PHLDB2: variants seen among roughly 807,000 people sequenced by gnomAD.
PHLDB2 encodes the protein pleckstrin homology-like domain family B member 2.
In PHLDB2, 71 loss-of-function variants were observed where a neutral mutation model predicts 123.6. That is an observed-to-expected ratio of 0.57 (90% confidence interval 0.47 to 0.70). The LOEUF (loss-of-function observed/expected upper bound fraction) is 0.70, where lower values mean the gene tolerates loss of function less well. Among genes scored for constraint, PHLDB2 ranks in the 30% least tolerant of loss-of-function variants. The pLI, the probability that PHLDB2 is intolerant of heterozygous loss-of-function variation, is 0.00. For missense variants in PHLDB2, 1,446 were observed against 1,519.5 expected, an observed-to-expected ratio of 0.95 and a Z score of 0.80; for synonymous variants, 547 against 541.6, an observed-to-expected ratio of 1.01 and a Z score of -0.14.
intron 1 of PHLDB2, among the ~76,000 whole-genome samples, chr3:111,830,239 A>C (rs1034590425): frequency 1.3e-5 from 2 of 152,124 alleles, no homozygotes; most frequent in Non-Finnish European, 2.9e-5. Flanking sequence ...AGTAATTTCT[A>C]AAGGTACTTC....
At chr3:111,760,690 G>GTT (rs200436835) in intron 1 of PHLDB2, among the ~76,000 whole-genome samples, 5 of 148,452 alleles carry the variant, frequency 3.4e-5, no homozygotes, top group African/African-American at 1.2e-4. Context: ...TTTTTTGTTT[G>GTT]TTTTTTTTTT....
chr3:111,935,440 A>G (rs1302412044), intron 6 of PHLDB2, among the ~76,000 whole-genome samples: 6 of 152,088 alleles, frequency 3.9e-5, no homozygotes, highest in Non-Finnish European at 8.8e-5. Flanking sequence ...TATATGAAAT[A>G]AGGAGTGTAT....
At chr3:111,944,817 T>C (rs2070183854) in intron 8 of PHLDB2, among the ~76,000 whole-genome samples, 1 of 151,884 alleles carries the variant, frequency 6.6e-6, no homozygotes, top group Non-Finnish European at 1.5e-5. Context: ...GGACTACAGG[T>C]GCCTGCCACC....
At chr3:111,920,972 G>A (rs2068466927) in intron 5 of PHLDB2, among the ~76,000 whole-genome samples, 1 of 152,082 alleles carries the variant, frequency 6.6e-6, no homozygotes, top group Admixed American at 6.5e-5. Context: ...TTTCTTCTTG[G>A]GGTAGTCCTC....
chr3:111,926,761 G>T (rs1462740388), intron 5 of PHLDB2, among the ~76,000 whole-genome samples: 3 of 152,108 alleles, frequency 2.0e-5, no homozygotes, highest in Admixed American at 2.0e-4. Context: ...TCTTTCCTCT[G>T]CAGTTCCAAA....
intron 1 of PHLDB2, among the ~76,000 whole-genome samples, chr3:111,860,501 CTT>C (rs1489009995): frequency 2.0e-5 from 3 of 152,214 alleles, no homozygotes; most frequent in Non-Finnish European, 4.4e-5. Flanking sequence ...CGCTTAATAA[CTT>C]AGCCCTAGCA....
rs1311225616 is a variant in PHLDB2, at chr3:111,948,934, C to A, written c.2490C>A (p.Gly830=). 3.1e-6 allele frequency: 5 copies of A among 1,613,640 alleles called. No homozygotes were observed. In the African/African-American group the frequency reaches 5.3e-5, roughly 17 times the overall value. Residue 830 remains glycine (G), a splice_region_variant and synonymous_variant, in exon 10 of 18, where the codon GGC becomes GGA. Coordinates refer to ENST00000431670, the MANE Select transcript of PHLDB2 (RefSeq NM_001134438.2). ...AACTTCTGAATTCCTCCTTTTAGGG[C>A]TATATCAGTGTAAATGAGATTAATG... is the stretch of plus-strand genomic sequence containing the variant. ...FPVNPNTLKE[G]YISVNEINEP...
Position 111,884,627 on chromosome 3 carries a change from T to C in PHLDB2, c.550T>C (p.Ser184Pro), listed in dbSNP as rs1453757946. ...GCTCCTGGCCATGTGGAATGGAAGT[T>C]CCCTGAGTGATGCTGGCCCGCCTCC... The part of the protein sequence containing the change: ...GSLLAMWNGS[S>P]LSDAGPPPIS... Residue 184 changes from serine to proline, a missense_variant, in exon 2 of 18, where the codon TCC becomes CCC. Coordinates refer to ENST00000431670, the MANE Select transcript of PHLDB2 (RefSeq NM_001134438.2). The C allele has an allele frequency of 1.2e-6, 2 of 1,613,954 alleles. No homozygotes were observed. The highest frequency in any genetic ancestry group is 3.3e-5 in the Admixed American group (2 of 59,988).
chr3:111,897,998 C>A (rs772788849), intron 2 of PHLDB2, among the ~76,000 whole-genome samples: 4 of 152,048 alleles, frequency 2.6e-5, no homozygotes, highest in Non-Finnish European at 4.4e-5. Context: ...AATGTACATA[C>A]CTTAATTTAA....
At chr3:111,955,626 A>AT (rs1222796929) in intron 12 of PHLDB2, among the ~76,000 whole-genome samples, 1 of 151,792 alleles carries the variant, frequency 6.6e-6, no homozygotes, top group African/African-American at 2.4e-5. Context: ...TGATTTTTGT[A>AT]TTTTTTGGCA....
rs1273296044 is a variant in PHLDB2 at position 111,939,650 on chromosome 3, T to C, written c.2286+20T>C. The C allele has an allele frequency of 1.3e-6, 2 of 1,596,444 alleles. No homozygotes were observed. Among genetic ancestry groups the C allele is most frequent in the African/African-American group, 2.7e-5 (2 of 73,690 alleles). On this transcript the variant is annotated intron_variant, in intron 7 of 17. Coordinates refer to ENST00000431670, the MANE Select transcript of PHLDB2 (RefSeq NM_001134438.2). ...AGAAAGGTACTTTTTCCAGGTGTCA[T>C]TCAATGTGAAAAATCAAAATATATT...
chr3:111,969,064 A>T (rs1057249132), intron 15 of PHLDB2, among the ~76,000 whole-genome samples: 1 of 152,136 alleles, frequency 6.6e-6, no homozygotes, highest in African/African-American at 2.4e-5. Context: ...ATCTAAATAC[A>T]TCCCTTTGGC....
intron 1 of PHLDB2, among the ~76,000 whole-genome samples, chr3:111,739,838 G>A (rs925103586): frequency 9.9e-5 from 15 of 151,968 alleles, no homozygotes; most frequent in South Asian, 4.2e-4. Flanking sequence ...TCCAGGCCCC[G>A]AACCAAAAAG....
intron 1 of PHLDB2, among the ~76,000 whole-genome samples, chr3:111,763,636 C>G (rs1055396313): frequency 6.6e-6 from 1 of 151,982 alleles, no homozygotes; most frequent in African/African-American, 2.4e-5. Context: ...GTTTGTATCC[C>G]CAGAAATTCA....
At chr3:111,952,766 A>G in intron 11 of PHLDB2, 54 bp downstream of exon 11, 1 of 1,576,372 alleles carries the variant, frequency 6.3e-7, no homozygotes, top group South Asian at 1.2e-5. Flanking sequence ...TCTTGTCATT[A>G]TATTCACTGA....
At chr3:111,925,473 G>A (rs1163491838) in intron 5 of PHLDB2, among the ~76,000 whole-genome samples, 1 of 152,166 alleles carries the variant, frequency 6.6e-6, no homozygotes, top group Non-Finnish European at 1.5e-5. Flanking sequence ...CATCACAGAT[G>A]GAGCCACTAT....
chr3:111,738,317 G>C (rs1289949480), intron 1 of PHLDB2, among the ~76,000 whole-genome samples: 3 of 152,078 alleles, frequency 2.0e-5, no homozygotes, highest in Non-Finnish European at 2.9e-5. Context: ...GCCCAACAGA[G>C]GCATCCTAGG....
intron 1 of PHLDB2, among the ~76,000 whole-genome samples, chr3:111,831,448 G>A (rs951642912): frequency 6.6e-6 from 1 of 152,244 alleles, no homozygotes; most frequent in Non-Finnish European, 1.5e-5. Context: ...GGGACAGTAG[G>A]GGGGAGTTTG....
upstream of PHLDB2, among the ~76,000 whole-genome samples, chr3:111,858,222 C>A (rs2064608460): frequency 6.6e-6 from 1 of 152,040 alleles, no homozygotes; most frequent in Non-Finnish European, 1.5e-5. Flanking sequence ...CCAAACACTG[C>A]ATGTTCTCAT....
Sources: allele counts gnomAD v4.1 joint callset (sites outside exome capture counted in the v4.1 genomes callset), GRCh38; gene constraint gnomAD v4.1.1; transcripts MANE v1.5; gene names NCBI Gene and HGNC (gene_info 2026-07-23, HGNC 2026-07-21).